SNX5: variants seen among roughly 807,000 people sequenced by gnomAD.
SNX5 encodes sorting nexin-5.
SNX5 carries 31 observed loss-of-function variants against 53.9 expected under a neutral mutation model. The ratio of observed to expected loss-of-function variants is 0.58; its 90% CI spans 0.43 to 0.78. The LOEUF (loss-of-function observed/expected upper bound fraction) is 0.78, where lower values mean the gene tolerates loss of function less well. Ranked by LOEUF, SNX5 falls within the 30% of genes least tolerant of loss-of-function variation. SNX5 has a pLI of 0.00. For synonymous variants in SNX5, 168 were observed against 171.1 expected (o/e 0.98, Z 0.14); for missense variants, 471 against 478.8 (o/e 0.98, Z 0.15).
intron 4 of SNX5, 86 bp downstream of exon 4, chr20:17,953,910 T>C: frequency 8.4e-7 from 1 of 1,195,814 alleles, no homozygotes; most frequent in Non-Finnish European, 1.2e-6. Context: ...AAAACAAAAT[T>C]AAGTCAGGTT....
At chr20:17,953,224 T>C (rs2039594054) in intron 4 of SNX5, among the ~76,000 whole-genome samples, 1 of 152,192 alleles carries the variant, frequency 6.6e-6, no homozygotes, top group Admixed American at 6.5e-5. Flanking sequence ...CTAAATGCTT[T>C]CAGGGCCTGG....
Position 17,946,219 on chromosome 20 carries a change from C to T in SNX5, c.1078+1267G>A, listed in dbSNP as rs575469407. 1.8e-4 allele frequency among the ~76,000 whole-genome samples: 28 copies of T among 152,328 alleles called. No individual in the cohort carries two copies. The South Asian group carries it at 4.4e-3, about 24-fold the overall frequency. The stretch of plus-strand genomic sequence containing the variant: ...GATCCCTGAAACCTGCATGTGTGTG[C>T]AACGGCATATGTGTGCACACACACA... On this transcript the variant is annotated intron_variant, in intron 11 of 12. Transcript: ENST00000377759.
intron 1 of SNX5, chr20:17,962,029 G>C (rs2035461650): frequency 2.1e-6 from 2 of 961,130 alleles, no homozygotes; most frequent in Non-Finnish European, 2.5e-6. Context: ...GTTACTGTTT[G>C]AACTCTCAGG....
chr20:17,967,272 A>G (rs2122441420), intron 1 of SNX5, among the ~76,000 whole-genome samples: 1 of 151,278 alleles, frequency 6.6e-6, no homozygotes, highest in Non-Finnish European at 1.5e-5. Context: ...TATGGAGAAA[A>G]GTACCTTTAT....
At position 17,954,073 on chromosome 20, in the gene SNX5, C is replaced by T. The variant is rs1449852546; in HGVS notation, c.312G>A (p.Glu104=). Residue 104 remains glutamate, a synonymous_variant, in exon 4 of 13, where the codon GAG becomes GAA. Coordinates refer to ENST00000377759, the MANE Select transcript of SNX5 (RefSeq NM_014426.4). ...CACCTTCTCCCAGTTTCTGCATCTT[C>T]TCTCGAGGACCATCAAAGTCGGGCT... ...PTKPDFDGPR[E]KMQKLGEGEG... The T allele has an allele frequency of 6.2e-7, 1 of 1,613,824 alleles. No individual in the cohort carries two copies. Among genetic ancestry groups the T allele is most frequent in the African/African-American group, 1.3e-5 (1 of 74,916 alleles).
chr20:17,957,393 C>CCACT (rs1472688365), intron 1 of SNX5, among the ~76,000 whole-genome samples: 2 of 149,104 alleles, frequency 1.3e-5, no homozygotes, highest in Non-Finnish European at 3.0e-5. Context: ...TGAGATCACA[C>CCACT]CACTGCACTC....
intron 1 of SNX5, chr20:17,967,787 C>A: frequency 3.0e-6 from 1 of 328,454 alleles, no homozygotes; most frequent in Non-Finnish European, 5.5e-6. Flanking sequence ...CATCAATGGG[C>A]AAGACTTAAA....
In SNX5 at chr20:17,952,726, C is replaced by T. The variant is rs1373781493; in HGVS notation, c.390-16G>A. ...GAGATACTCACTGAAAAGAGATGTG[C>T]ACATGGCATTCAGTTGACACAGCTC... is the stretch of plus-strand genomic sequence containing the variant. On this transcript the variant is annotated splice_polypyrimidine_tract_variant and intron_variant, in intron 4 of 12. Coordinates refer to ENST00000377759, the MANE Select transcript of SNX5 (RefSeq NM_014426.4). The T allele has an allele frequency of 3.1e-6, 5 of 1,600,876 alleles. No individual in the cohort carries two copies. Among genetic ancestry groups the T allele is most frequent in the Non-Finnish European group, 3.4e-6 (4 of 1,171,204 alleles).
Position 17,945,948 on chromosome 20 carries a change from G to A in SNX5, c.1078+1538C>T, listed in dbSNP as rs138413598. The stretch of plus-strand genomic sequence containing the variant: ...AATTTTTCATGGAAACACGCGTTAG[G>A]GGGTTGGGATTGAGTCCAACAGTGC... On this transcript the variant is annotated intron_variant, in intron 11 of 12. Coordinates refer to ENST00000377759, the MANE Select transcript of SNX5 (RefSeq NM_014426.4). Among the ~76,000 whole-genome samples the A allele has an allele frequency of 7.9e-5, 12 of 152,194 alleles. No individual in the cohort carries two copies. The East Asian group carries it at 1.7e-3, about 22-fold the overall frequency.
Position 17,956,971 on chromosome 20 carries a change from T to C in SNX5, c.118A>G (p.Ser40Gly). 2 of 1,608,252 alleles carry C rather than the reference T, an allele frequency of 1.2e-6. No individual in the cohort carries two copies. Among genetic ancestry groups the C allele is most frequent in the Non-Finnish European group, 1.7e-6 (2 of 1,174,974 alleles). ...GTAAATTTGACTTTGTCTCTCTCAC[T>C]GAGCGCATCAGGTATGTCAATCTGA... Reference protein sequence around the residue: ...SLQIDIPDALSERDKVKFTVH... With the variant: ...SLQIDIPDALGERDKVKFTVH... Residue 40 changes from serine to glycine, a missense_variant, in exon 2 of 13, where the codon AGT (serine) becomes GGT (glycine). Transcript: ENST00000377759.
intron 11 of SNX5, chr20:17,944,861 ACTC>A (rs922888070): frequency 2.0e-5 from 3 of 151,920 alleles, no homozygotes; most frequent in Admixed American, 2.0e-4. Flanking sequence ...CATTTCATCT[ACTC>A]CTATTGCCAT....
chr20:17,966,121 T>C (rs1255363348), intron 1 of SNX5, among the ~76,000 whole-genome samples: 1 of 152,072 alleles, frequency 6.6e-6, no homozygotes, highest in Non-Finnish European at 1.5e-5. Flanking sequence ...GGCCAAGTTG[T>C]TACTGTCAAG....
At chr20:17,954,707 T>G (rs2035324281) in intron 3 of SNX5, among the ~76,000 whole-genome samples, 1 of 152,148 alleles carries the variant, frequency 6.6e-6, no homozygotes, top group Non-Finnish European at 1.5e-5. Flanking sequence ...ACTGCCTCCT[T>G]GAGCACTTTT....
chr20:17,957,934 C>A (rs2035388335), intron 1 of SNX5, among the ~76,000 whole-genome samples: 2 of 141,484 alleles, frequency 1.4e-5, no homozygotes, highest in Admixed American at 1.5e-4. Context: ...ACTCTGAATA[C>A]TCAATTAACT....
intron 3 of SNX5, 69 bp downstream of exon 3, chr20:17,955,296 A>G: frequency 9.3e-7 from 1 of 1,080,646 alleles, no homozygotes; most frequent in Non-Finnish European, 1.4e-6. Flanking sequence ...AAGTGGATAT[A>G]AGTCTCTTTT....
intron 1 of SNX5, among the ~76,000 whole-genome samples, 164 bp from the exon 2 acceptor site, chr20:17,957,201 C>T (rs1200689900): frequency 6.6e-6 from 1 of 151,956 alleles, no homozygotes; most frequent in African/African-American, 2.4e-5. Context: ...TTTGGGAGGC[C>T]AAGGCGGGTG....
chr20:17,952,201 T>C (rs1410250741), intron 5 of SNX5, among the ~76,000 whole-genome samples: 1 of 152,108 alleles, frequency 6.6e-6, no homozygotes, highest in Non-Finnish European at 1.5e-5. Context: ...CCAGCCTGGA[T>C]GACAGAGCGA....
intron 1 of SNX5, among the ~76,000 whole-genome samples, chr20:17,966,661 T>C (rs532877398): frequency 1.8e-4 from 27 of 152,294 alleles, no homozygotes; most frequent in African/African-American, 6.3e-4. Context: ...CTTAATTAAC[T>C]CCATCCTTAG....
chr20:17,955,790 G>A (rs1242788481), intron 2 of SNX5, among the ~76,000 whole-genome samples: 4 of 151,546 alleles, frequency 2.6e-5, no homozygotes, highest in Non-Finnish European at 5.9e-5. Context: ...ACTTTTTTTT[G>A]TTTATATACA....
Sources: gnomAD v4.1 joint callset for allele counts (sites outside exome capture counted in the v4.1 genomes callset) on GRCh38, gnomAD v4.1.1 for gene constraint, MANE v1.5 for transcripts, NCBI Gene and HGNC (gene_info 2026-07-23, HGNC 2026-07-21) for gene names.